KIAA0825: variants seen among roughly 807,000 people sequenced by gnomAD.
KIAA0825 encodes the protein uncharacterized protein KIAA0825.
A neutral mutation model predicts 147.6 loss-of-function variants in KIAA0825; 119 were observed. That is an observed-to-expected ratio of 0.81 (90% CI 0.69 to 0.94). The LOEUF is 0.94. KIAA0825 is among the 40% of genes least tolerant of loss of function. The pLI is 0.00. For synonymous variants in KIAA0825, 470 were observed against 518.1 expected, an observed-to-expected ratio of 0.91 and a Z score of 1.26; for missense variants, 1,381 against 1,472.7, an observed-to-expected ratio of 0.94 and a Z score of 1.02.
intron 15 of KIAA0825, among the ~76,000 whole-genome samples, chr5:94,405,930 A>AT (rs1349350156): frequency 1.3e-5 from 2 of 151,372 alleles, no homozygotes; most frequent in East Asian, 3.9e-4. Context: ...ATTTATTTTT[A>AT]TTTTTATTTT....
rs561234139 is a variant in KIAA0825 at position 94,577,429 on chromosome 5, T to C, written c.-2+5004A>G. 4.6e-5 allele frequency among the ~76,000 whole-genome samples: 7 copies of C among 152,336 alleles called. No homozygotes were observed. In the South Asian group the frequency reaches 1.4e-3, roughly 32 times the overall value. On this transcript the variant is annotated intron_variant, in intron 2 of 20. Coordinates refer to ENST00000682413, the MANE Select transcript of KIAA0825 (RefSeq NM_001145678.3). ...TTTCAATACCTGTCTTTACCTTTAC[T>C]GCAGGGTATTTCGAAGTGTAGTCCA... is the stretch of plus-strand genomic sequence containing the variant.
intron 20 of KIAA0825, among the ~76,000 whole-genome samples, chr5:94,374,474 A>G (rs1006478750): frequency 2.0e-5 from 3 of 152,184 alleles, no homozygotes; most frequent in African/African-American, 7.2e-5. Context: ...GTAGCCACAG[A>G]ATTGTATCAC....
At chr5:94,447,442 CA>C (rs1042463385) in intron 13 of KIAA0825, among the ~76,000 whole-genome samples, 4 of 151,946 alleles carry the variant, frequency 2.6e-5, no homozygotes, top group African/African-American at 9.7e-5. Flanking sequence ...AGGAGGAAAT[CA>C]AGAGAATATG....
At chr5:94,504,000 A>G (rs2151129574) in intron 5 of KIAA0825, among the ~76,000 whole-genome samples, 1 of 152,272 alleles carries the variant, frequency 6.6e-6, no homozygotes, top group South Asian at 2.1e-4. Flanking sequence ...ATAGACATGG[A>G]CCCAAAATGC....
intron 14 of KIAA0825, among the ~76,000 whole-genome samples, chr5:94,435,819 T>C (rs920835119): frequency 6.6e-6 from 1 of 152,218 alleles, no homozygotes; most frequent in African/African-American, 2.4e-5. Context: ...CCATTCTGAC[T>C]GGTGTGAGAT....
chr5:94,533,018 G>T (rs553979489), intron 3 of KIAA0825, among the ~76,000 whole-genome samples: 2 of 146,144 alleles, frequency 1.4e-5, no homozygotes, highest in African/African-American at 5.1e-5. Flanking sequence ...TCGCTCTGTC[G>T]CCCAGGCTGG....
intron 20 of KIAA0825, among the ~76,000 whole-genome samples, chr5:94,287,271 T>G (rs1343229725): frequency 6.6e-6 from 1 of 152,152 alleles, no homozygotes; most frequent in Non-Finnish European, 1.5e-5. Context: ...GCTATCAACA[T>G]AATACAAACC....
intron 20 of KIAA0825, among the ~76,000 whole-genome samples, chr5:94,367,961 T>C (rs1482203119): frequency 2.0e-5 from 3 of 152,196 alleles, no homozygotes; most frequent in East Asian, 3.9e-4. Flanking sequence ...CTACATTAAT[T>C]TGGTATAAAG....
chr5:94,229,491 G>T (rs1774495283), intron 20 of KIAA0825, among the ~76,000 whole-genome samples: 1 of 148,648 alleles, frequency 6.7e-6, no homozygotes, highest in Non-Finnish European at 1.5e-5. Flanking sequence ...TATGGAACTG[G>T]TCCATATTGA....
intron 20 of KIAA0825, among the ~76,000 whole-genome samples, chr5:94,236,697 T>G (rs1274438567): frequency 6.6e-6 from 1 of 152,132 alleles, no homozygotes; most frequent in Non-Finnish European, 1.5e-5. Context: ...GTTCTCTTAT[T>G]TAAGAAATTG....
chr5:94,366,632 C>T (rs1393263519), intron 20 of KIAA0825, among the ~76,000 whole-genome samples: 5 of 152,124 alleles, frequency 3.3e-5, no homozygotes. Flanking sequence ...TACTAAATAC[C>T]TGCTAAAGGT....
chr5:94,210,664 G>T (rs1476179224), intron 20 of KIAA0825, among the ~76,000 whole-genome samples: 1 of 152,134 alleles, frequency 6.6e-6, no homozygotes, highest in Non-Finnish European at 1.5e-5. Flanking sequence ...AAATGAGCTT[G>T]CTTTAAAAGA....
chr5:94,487,409 A>G (rs1387731011), intron 5 of KIAA0825, among the ~76,000 whole-genome samples: 1 of 152,224 alleles, frequency 6.6e-6, no homozygotes, highest in Non-Finnish European at 1.5e-5. Flanking sequence ...ATTCTGTGAT[A>G]AATTCATTTT....
rs1751680480 is a variant in KIAA0825 at position 94,403,657 on chromosome 5, C to T, written c.2799G>A (p.Lys933=). ...SRRNCETNLN[K]HIVPDCLLES... ...CAAGCAAACAATCAGGAACAATGTG[C>T]TTGTTTAGGTTTGTCTCACAGTTTC... Residue 933 remains lysine (K), a synonymous_variant, in exon 16 of 21, where the codon AAG becomes AAA. Transcript: ENST00000682413. The T allele has an allele frequency of 1.3e-6, 2 of 1,551,532 alleles. No individual in the cohort carries two copies. The highest frequency in any genetic ancestry group is 2.4e-5 in the East Asian group (1 of 40,922).
intron 14 of KIAA0825, among the ~76,000 whole-genome samples, chr5:94,425,204 C>T (rs1754700113): frequency 6.6e-6 from 1 of 152,128 alleles, no homozygotes; most frequent in African/African-American, 2.4e-5. Context: ...AGACCAATAT[C>T]CCTAATGAAC....
chr5:94,480,973 C>T (rs889989138), intron 6 of KIAA0825, among the ~76,000 whole-genome samples: 1 of 152,046 alleles, frequency 6.6e-6, no homozygotes, highest in African/African-American at 2.4e-5. Flanking sequence ...TTACATTTGT[C>T]TGGAATTCAA....
At chr5:94,535,737 C>T (rs1054607883) in intron 3 of KIAA0825, among the ~76,000 whole-genome samples, 1 of 152,086 alleles carries the variant, frequency 6.6e-6, no homozygotes, top group African/African-American at 2.4e-5. Flanking sequence ...TCAGTGGTTG[C>T]CTGTTGCAAT....
At chr5:94,203,709 G>A (rs1771901004) in intron 20 of KIAA0825, among the ~76,000 whole-genome samples, 1 of 152,080 alleles carries the variant, frequency 6.6e-6, no homozygotes. Context: ...TATCTGATTT[G>A]CACAGATATT....
chr5:94,324,420 C>A (rs1780484804), intron 20 of KIAA0825, among the ~76,000 whole-genome samples: 1 of 151,850 alleles, frequency 6.6e-6, no homozygotes, highest in African/African-American at 2.4e-5. Flanking sequence ...ATTCCGTATG[C>A]CCTTCTGTGA....
Sources: gnomAD v4.1 joint callset for allele counts (sites outside exome capture counted in the v4.1 genomes callset) on GRCh38, gnomAD v4.1.1 for gene constraint, MANE v1.5 for transcripts, NCBI Gene and HGNC (gene_info 2026-07-23, HGNC 2026-07-21) for gene names.